Variants in CNTNAP2 observed in about 807,000 individuals in gnomAD.
The protein encoded by CNTNAP2 is contactin-associated protein-like 2.
Under a neutral mutation model 155.2 loss-of-function variants are expected in CNTNAP2, and 98 were observed. The ratio of observed to expected loss-of-function variants is 0.63; its 90% CI spans 0.54 to 0.75. The LOEUF (loss-of-function observed/expected upper bound fraction) is 0.75. CNTNAP2 is among the 30% of genes least tolerant of loss of function. The pLI, the probability that CNTNAP2 is intolerant of heterozygous loss-of-function variation, is 0.00. For missense variants in CNTNAP2, 1,727 were observed against 1,688.1 expected (o/e 1.02, Z -0.40); for synonymous variants, 651 against 631.2 (o/e 1.03, Z -0.47).
At chr7:147,468,826 C>G (rs1041201530) in intron 10 of CNTNAP2, among the ~76,000 whole-genome samples, 1 of 56,558 alleles carries the variant, frequency 1.8e-5, no homozygotes, top group South Asian at 5.1e-4. Context: ...TTTCTTTTTT[C>G]TTCTTCTTCT....
At chr7:146,975,267 C>T (rs1467147672) in intron 3 of CNTNAP2, among the ~76,000 whole-genome samples, 1 of 152,012 alleles carries the variant, frequency 6.6e-6, no homozygotes, top group African/African-American at 2.4e-5. Flanking sequence ...GAGTTCGAGA[C>T]CACCCTGGCC....
chr7:146,691,014 G>A (rs1158299268), intron 1 of CNTNAP2, among the ~76,000 whole-genome samples: 1 of 152,088 alleles, frequency 6.6e-6, no homozygotes, highest in Non-Finnish European at 1.5e-5. Context: ...AACAAGGTGT[G>A]CATTTCTCAT....
At chr7:147,583,525 T>C (rs1045365756) in intron 12 of CNTNAP2, among the ~76,000 whole-genome samples, 4 of 145,916 alleles carry the variant, frequency 2.7e-5, no homozygotes, top group African/African-American at 7.7e-5. Flanking sequence ...TATATATATA[T>C]ATATATAATG....
In CNTNAP2 at chr7:146,991,827, G is replaced by A. The variant is rs572436420; in HGVS notation, c.403-52080G>A. Among the ~76,000 whole-genome samples the A allele has an allele frequency of 7.2e-5, 11 of 152,252 alleles. No individual in the cohort carries two copies. In the South Asian group the frequency reaches 1.0e-3, roughly 14 times the overall value. On this transcript the variant is annotated intron_variant, in intron 3 of 23. Coordinates refer to ENST00000361727, the MANE Select transcript of CNTNAP2 (RefSeq NM_014141.6). Reference sequence around the variant, plus strand: ...GTTGTTATGGTGATTTGTGTATTTAGAACTTAACAATGTGAATGGCATGAA... The same window carrying A: ...GTTGTTATGGTGATTTGTGTATTTAAAACTTAACAATGTGAATGGCATGAA...
intron 9 of CNTNAP2, among the ~76,000 whole-genome samples, chr7:147,322,131 C>T (rs1251576355): frequency 2.0e-5 from 3 of 152,124 alleles, no homozygotes; most frequent in Non-Finnish European, 4.4e-5. Flanking sequence ...AGGAAAAAAG[C>T]ATCAAAAGAT....
intron 1 of CNTNAP2, among the ~76,000 whole-genome samples, chr7:146,343,261 A>G (rs1364509656): frequency 1.3e-5 from 2 of 152,136 alleles, no homozygotes; most frequent in Non-Finnish European, 2.9e-5. Flanking sequence ...CTTATTTGGA[A>G]ACACACGCTT....
At chr7:146,257,659 G>A (rs531716143) in intron 1 of CNTNAP2, among the ~76,000 whole-genome samples, 1 of 152,294 alleles carries the variant, frequency 6.6e-6, no homozygotes, top group Admixed American at 6.5e-5. Context: ...TAAGCCAGTG[G>A]TTTTCAAACT....
chr7:146,765,507 T>A (rs952102047), intron 1 of CNTNAP2, among the ~76,000 whole-genome samples: 1 of 152,240 alleles, frequency 6.6e-6, no homozygotes, highest in Non-Finnish European at 1.5e-5. Flanking sequence ...CTTATCATTG[T>A]CAGTAATTCA....
chr7:148,123,669 AAG>A (rs1804650760), intron 16 of CNTNAP2, among the ~76,000 whole-genome samples: 1 of 151,158 alleles, frequency 6.6e-6, no homozygotes, highest in Admixed American at 6.6e-5. Context: ...GGAAGGAAGG[AAG>A]GAAGGAAGGA....
intron 1 of CNTNAP2, among the ~76,000 whole-genome samples, chr7:146,721,008 A>G (rs1380803499): frequency 1.8e-5 from 2 of 114,280 alleles, no homozygotes; most frequent in African/African-American, 1.1e-4. Context: ...TAGTCTATAT[A>G]TATACTCTAT....
chr7:148,281,638 C>T (rs946948731), intron 21 of CNTNAP2, among the ~76,000 whole-genome samples: 1 of 152,070 alleles, frequency 6.6e-6, no homozygotes. Flanking sequence ...TCAAGGCTGG[C>T]TTCTCATTCT....
chr7:146,485,250 A>C (rs1359651435), intron 1 of CNTNAP2, among the ~76,000 whole-genome samples: 1 of 152,188 alleles, frequency 6.6e-6, no homozygotes, highest in Non-Finnish European at 1.5e-5. Flanking sequence ...ATCATCAAGC[A>C]GCCTTTATTA....
chr7:147,873,774 G>A (rs1415276382), intron 13 of CNTNAP2, among the ~76,000 whole-genome samples: 1 of 152,086 alleles, frequency 6.6e-6, no homozygotes, highest in East Asian at 1.9e-4. Context: ...TCTCATCCGA[G>A]ACAAGGCAAG....
chr7:147,537,651 G>T lies in CNTNAP2; in HGVS notation c.1778-24487G>T, dbSNP rs1480103799. 2.6e-5 allele frequency among the ~76,000 whole-genome samples: 4 copies of T among 152,010 alleles called. No homozygotes were observed. In the South Asian group the frequency reaches 6.2e-4, roughly 24 times the overall value. ...AATATAAGCGTGACTTAATTACAGG[G>T]TGATAATCTAGATCATGTGGACTTT... On this transcript the variant is annotated intron_variant, in intron 11 of 23. Transcript: ENST00000361727.
chr7:146,607,745 T>C lies in CNTNAP2; in HGVS notation c.98-166526T>C, dbSNP rs554005583. ...CTCCTGCCTCTGCCGCCCAAAGTGCTGTGATTACAAACATGAGCCACCGGG... is the reference window on the plus strand; with the variant it reads ...CTCCTGCCTCTGCCGCCCAAAGTGCCGTGATTACAAACATGAGCCACCGGG... On this transcript the variant is annotated intron_variant, in intron 1 of 23. Coordinates refer to ENST00000361727, the MANE Select transcript of CNTNAP2 (RefSeq NM_014141.6). 2.6e-4 allele frequency among the ~76,000 whole-genome samples: 40 copies of C among 152,280 alleles called. No homozygotes were observed. In the East Asian group the frequency reaches 7.8e-3, roughly 30 times the overall value.
intron 21 of CNTNAP2, among the ~76,000 whole-genome samples, chr7:148,275,688 G>C (rs941341097): frequency 6.6e-6 from 1 of 152,220 alleles, no homozygotes; most frequent in Non-Finnish European, 1.5e-5. Context: ...CTCCCCCAAG[G>C]GTTCCAAATC....
At chr7:146,299,344 A>G (rs73459991) in intron 1 of CNTNAP2, among the ~76,000 whole-genome samples, 2,968 of 152,236 alleles carry the variant, frequency 0.019, 117 homozygotes, top group African/African-American at 0.068. Flanking sequence ...GCACAATTAT[A>G]TGGTAGTTAT....
At chr7:146,685,672 AATT>A (rs1367760140) in intron 1 of CNTNAP2, among the ~76,000 whole-genome samples, 6 of 152,144 alleles carry the variant, frequency 3.9e-5, no homozygotes, top group Non-Finnish European at 5.9e-5. Flanking sequence ...GGAAAGGAGT[AATT>A]ATTCTGTCCT....
chr7:147,345,236 A>G (rs545697893), intron 9 of CNTNAP2, among the ~76,000 whole-genome samples: 1 of 152,246 alleles, frequency 6.6e-6, no homozygotes, highest in East Asian at 1.9e-4. Flanking sequence ...AACCCACACA[A>G]TTTTGTCATG....
Sources: allele counts gnomAD v4.1 joint callset (sites outside exome capture counted in the v4.1 genomes callset), GRCh38; gene constraint gnomAD v4.1.1; transcripts MANE v1.5; gene names NCBI Gene and HGNC (gene_info 2026-07-23, HGNC 2026-07-21).